VAT1L: variants seen among roughly 807,000 people sequenced by gnomAD.
The protein encoded by VAT1L is vesicle amine transport 1 like, also known as putative NADPH-dependent quinone oxidoreductase VAT1L.
VAT1L carries 34 observed loss-of-function variants against 44.1 expected under a neutral mutation model. The ratio of observed to expected loss-of-function variants is 0.77; its 90% CI spans 0.59 to 1.03. VAT1L has a LOEUF of 1.03. VAT1L is among the 50% of genes least tolerant of loss of function. VAT1L has a pLI of 0.00. For synonymous variants in VAT1L, 253 were observed against 202.2 expected (o/e 1.25, Z -2.13); for missense variants, 615 against 538.8 (o/e 1.14, Z -1.40).
In VAT1L at chr16:77,914,911, A is replaced by G. The variant is rs1411916126; in HGVS notation, c.1077+30109A>G. On this transcript the variant is annotated intron_variant, in intron 7 of 8. Coordinates refer to ENST00000302536, the MANE Select transcript of VAT1L (RefSeq NM_020927.3). ...GAGACTAAGGCAGGCGGATCACCTG[A>G]GGTCGGGAGTTCGAGACCAGCCTGA... is the stretch of plus-strand genomic sequence containing the variant. Among the ~76,000 whole-genome samples, 6 of 152,330 alleles carry G rather than the reference A, an allele frequency of 3.9e-5. No individual in the cohort carries two copies. The East Asian group carries it at 1.2e-3, about 29-fold the overall frequency.
chr16:77,788,992 T>G (rs1203795407), intron 1 of VAT1L, 77 bp downstream of exon 1: 1 of 1,413,364 alleles, frequency 7.1e-7, no homozygotes, highest in East Asian at 2.7e-5. Flanking sequence ...AAGCTGCGGC[T>G]GGGATGCTGC....
chr16:77,921,009 G>T (rs1022597432), intron 7 of VAT1L, among the ~76,000 whole-genome samples: 1 of 152,036 alleles, frequency 6.6e-6, no homozygotes, highest in East Asian at 1.9e-4. Context: ...TAATTCATCA[G>T]AAGTTAACAC....
At chr16:77,956,651 G>C (rs75338462) in intron 7 of VAT1L, among the ~76,000 whole-genome samples, 1 of 152,152 alleles carries the variant, frequency 6.6e-6, no homozygotes, top group Admixed American at 6.5e-5. Context: ...TACATTCTTA[G>C]GTTCAGAGCC....
chr16:77,947,340 C>T (rs1456770432), intron 7 of VAT1L, among the ~76,000 whole-genome samples: 2 of 152,134 alleles, frequency 1.3e-5, no homozygotes, highest in African/African-American at 4.8e-5. Context: ...ACTCTTTTCA[C>T]CCTTTGGGGA....
rs571182190 is a variant in VAT1L at position 77,925,493 on chromosome 16, T to C, written c.1077+40691T>C. ...GTATTAAAGAGGTCCATATATGCAA[T>C]GGCGCTTCAATCAATATTGCTTTTC... On this transcript the variant is annotated intron_variant, in intron 7 of 8. Coordinates refer to ENST00000302536, the MANE Select transcript of VAT1L (RefSeq NM_020927.3). Among the ~76,000 whole-genome samples, 6 of 152,272 alleles carry C rather than the reference T, an allele frequency of 3.9e-5. No homozygotes were observed. In the South Asian group the frequency reaches 6.2e-4, roughly 16 times the overall value.
At chr16:77,857,877 T>C (rs2016877449) in intron 3 of VAT1L, among the ~76,000 whole-genome samples, 1 of 150,814 alleles carries the variant, frequency 6.6e-6, no homozygotes, top group South Asian at 2.1e-4. Flanking sequence ...TTCTTTAAAA[T>C]AGAAATAGTG....
intron 7 of VAT1L, among the ~76,000 whole-genome samples, chr16:77,955,117 T>C (rs2018088142): frequency 6.6e-6 from 1 of 152,166 alleles, no homozygotes. Context: ...ATCCCCTGTG[T>C]GCAACATGTT....
chr16:77,876,737 A>G (rs968783325), intron 5 of VAT1L, among the ~76,000 whole-genome samples: 6 of 152,250 alleles, frequency 3.9e-5, no homozygotes, highest in Non-Finnish European at 5.9e-5. Flanking sequence ...GACTAGAACC[A>G]CTAAGGGACA....
intron 7 of VAT1L, among the ~76,000 whole-genome samples, chr16:77,952,820 G>A (rs1255860552): frequency 7.6e-6 from 1 of 131,054 alleles, no homozygotes; most frequent in East Asian, 2.4e-4. Flanking sequence ...TGGTACCACT[G>A]CATTCTAGCC....
intron 1 of VAT1L, among the ~76,000 whole-genome samples, chr16:77,796,308 A>G (rs538313599): frequency 7.4e-4 from 112 of 152,246 alleles, no homozygotes; most frequent in Non-Finnish European, 1.3e-3. Flanking sequence ...TGATTATTGC[A>G]CCCACCCTAC....
chr16:77,916,050 A>T (rs2017548777), intron 7 of VAT1L, among the ~76,000 whole-genome samples: 1 of 152,204 alleles, frequency 6.6e-6, no homozygotes, highest in Non-Finnish European at 1.5e-5. Flanking sequence ...GGGAATGCGG[A>T]ACATTAATTC....
chr16:77,976,333 C>A (rs1486360890), intron 8 of VAT1L, among the ~76,000 whole-genome samples: 3 of 152,146 alleles, frequency 2.0e-5, no homozygotes. Context: ...GGGAATTCTG[C>A]AAAGGCTTCC....
At chr16:77,848,871 T>C (rs1466652559) in intron 3 of VAT1L, among the ~76,000 whole-genome samples, 1 of 152,116 alleles carries the variant, frequency 6.6e-6, no homozygotes, top group Non-Finnish European at 1.5e-5. Context: ...TAAAAAAGGA[T>C]GAGTTCATGT....
At chr16:77,868,693 G>T (rs1257345748) in intron 4 of VAT1L, among the ~76,000 whole-genome samples, 1 of 152,174 alleles carries the variant, frequency 6.6e-6, no homozygotes, top group African/African-American at 2.4e-5. Context: ...AGCCAGGGAG[G>T]AAGCCAGATT....
intron 7 of VAT1L, among the ~76,000 whole-genome samples, chr16:77,889,485 T>C (rs1014741318): frequency 6.6e-6 from 1 of 152,198 alleles, no homozygotes; most frequent in Non-Finnish European, 1.5e-5. Flanking sequence ...GCCTACTGTG[T>C]GCTGTGTGCT....
intron 4 of VAT1L, among the ~76,000 whole-genome samples, chr16:77,867,788 G>A (rs2142446852): frequency 6.6e-6 from 1 of 151,886 alleles, no homozygotes; most frequent in Middle Eastern, 3.4e-3. Context: ...GAACCCAGGA[G>A]GTGGAGGTTG....
chr16:77,927,714 A>G (rs2142499360), intron 7 of VAT1L, among the ~76,000 whole-genome samples: 1 of 152,102 alleles, frequency 6.6e-6, no homozygotes, highest in Admixed American at 6.5e-5. Flanking sequence ...CGTCTCTACT[A>G]AAAAATTAGC....
intron 7 of VAT1L, among the ~76,000 whole-genome samples, chr16:77,901,425 A>C (rs554451999): frequency 6.6e-6 from 1 of 151,892 alleles, no homozygotes; most frequent in South Asian, 2.1e-4. Flanking sequence ...CCGCCTCCCA[A>C]AGTGCTGGGA....
At chr16:77,919,123 G>GGT (rs373222548) in intron 7 of VAT1L, among the ~76,000 whole-genome samples, 1 of 151,858 alleles carries the variant, frequency 6.6e-6, no homozygotes, top group Non-Finnish European at 1.5e-5. Context: ...GAGTTTTGAG[G>GGT]GTGTGTGTGT....
Sources: allele counts gnomAD v4.1 joint callset (sites outside exome capture counted in the v4.1 genomes callset), GRCh38; gene constraint gnomAD v4.1.1; transcripts MANE v1.5; gene names NCBI Gene and HGNC (gene_info 2026-07-23, HGNC 2026-07-21).